PPP6R3: variants seen among roughly 807,000 people sequenced by gnomAD.
PPP6R3 encodes the protein protein phosphatase 6 regulatory subunit 3.
In PPP6R3, 38 loss-of-function variants were observed where a neutral mutation model predicts 110.7. The ratio of observed to expected loss-of-function variants is 0.34; its 90% CI spans 0.26 to 0.45. PPP6R3 has a LOEUF of 0.45. Among genes scored for constraint, PPP6R3 ranks in the 20% least tolerant of loss-of-function variants. The pLI is 1.00. For synonymous variants in PPP6R3, 369 were observed against 373.5 expected (o/e 0.99, Z 0.14); for missense variants, 870 against 1,062.4 (o/e 0.82, Z 2.52).
At chr11:68,486,463 G>A (rs186477547) in intron 1 of PPP6R3, among the ~76,000 whole-genome samples, 1 of 152,120 alleles carries the variant, frequency 6.6e-6, no homozygotes, top group Non-Finnish European at 1.5e-5. Context: ...AAATTAGCTG[G>A]GTGTGGTGGC....
rs2099159950 is a variant in PPP6R3, at chr11:68,520,711, T to C, written c.-7+1060T>C. On this transcript the variant is annotated intron_variant, in intron 2 of 23. Transcript: ENST00000393800. ...AATATTCTTCCGGATGAATCCCATG[T>C]GGAGAATTCTCTGCAAGTATTCATT... Among the ~76,000 whole-genome samples the C allele has an allele frequency of 2.0e-5, 3 of 152,240 alleles. No homozygotes were observed. The South Asian group carries it at 6.2e-4, about 32-fold the overall frequency.
At chr11:68,488,709 G>A (rs1181543755) in intron 1 of PPP6R3, 2 of 152,144 alleles carry the variant, frequency 1.3e-5, no homozygotes, top group African/African-American at 2.4e-5. Flanking sequence ...GTAGTTGTAG[G>A]GTGTGTCCTG....
intron 7 of PPP6R3, among the ~76,000 whole-genome samples, chr11:68,557,302 A>G (rs2099403164): frequency 6.6e-6 from 1 of 152,070 alleles, no homozygotes; most frequent in South Asian, 2.1e-4. Context: ...GACCTTCTCA[A>G]GTTAGGTTAG....
intron 13 of PPP6R3, among the ~76,000 whole-genome samples, chr11:68,574,658 G>A (rs1009907753): frequency 6.6e-6 from 1 of 152,180 alleles, no homozygotes; most frequent in Non-Finnish European, 1.5e-5. Flanking sequence ...GCATTTATCA[G>A]CATTTCTTTG....
chr11:68,555,908 A>T lies in PPP6R3; in HGVS notation c.731+1651A>T, dbSNP rs146507206. ...ACAGTCTGTTTGAGAATAAGAACCA[A>T]CCACTTCTAATATTTGACACACTGC... On this transcript the variant is annotated intron_variant, in intron 7 of 23. Transcript: ENST00000393800. Among the ~76,000 whole-genome samples the T allele has an allele frequency of 2.7e-3, 405 of 152,288 alleles. 4 individuals are homozygous for T. Among genetic ancestry groups the T allele is most frequent in the African/African-American group, 8.5e-3 (353 of 41,552 alleles).
At chr11:68,476,938 A>G (rs1338235793) in intron 1 of PPP6R3, among the ~76,000 whole-genome samples, 1 of 151,318 alleles carries the variant, frequency 6.6e-6, no homozygotes, top group Non-Finnish European at 1.5e-5. Flanking sequence ...AGGTGGCAGG[A>G]TTGCTTGAGC....
chr11:68,575,453 A>G (rs946066825), intron 13 of PPP6R3, among the ~76,000 whole-genome samples: 1 of 152,230 alleles, frequency 6.6e-6, no homozygotes, highest in African/African-American at 2.4e-5. Context: ...GAAAAGCCAT[A>G]CTAGGTTCTG....
At chr11:68,588,758 T>TA (rs367918194) in intron 16 of PPP6R3, among the ~76,000 whole-genome samples, 35,351 of 141,634 alleles carry the variant, frequency 0.25, 4,397 homozygotes, top group Middle Eastern at 0.33. Context: ...ACTCGGTCTT[T>TA]AAAAAAAAAA....
intron 12 of PPP6R3, among the ~76,000 whole-genome samples, chr11:68,573,149 TA>T (rs2099516424): frequency 1.1e-4 from 13 of 113,500 alleles, no homozygotes; most frequent in Non-Finnish European, 2.4e-4. Flanking sequence ...TATATATATA[TA>T]TATAATTTTT....
At chr11:68,563,475 C>T (rs1257259359) in intron 8 of PPP6R3, among the ~76,000 whole-genome samples, 1 of 152,086 alleles carries the variant, frequency 6.6e-6, no homozygotes. Flanking sequence ...ATCTCAAGAT[C>T]TTTAATTAAT....
At chr11:68,509,772 G>A (rs1308883370) in intron 1 of PPP6R3, among the ~76,000 whole-genome samples, 2 of 115,580 alleles carry the variant, frequency 1.7e-5, no homozygotes, top group East Asian at 2.5e-4. Flanking sequence ...TTTTTGAGAC[G>A]GAGCTTCGCT....
chr11:68,526,712 A>T (rs1462188709), intron 2 of PPP6R3, among the ~76,000 whole-genome samples: 1 of 152,120 alleles, frequency 6.6e-6, no homozygotes, highest in African/African-American at 2.4e-5. Flanking sequence ...CATCCTTATT[A>T]CTTGCCTTTC....
chr11:68,465,878 T>C (rs2098741790), intron 1 of PPP6R3, among the ~76,000 whole-genome samples: 1 of 152,268 alleles, frequency 6.6e-6, no homozygotes, highest in South Asian at 2.1e-4. Flanking sequence ...AGTTACACTT[T>C]GTTACTCATT....
intron 11 of PPP6R3, among the ~76,000 whole-genome samples, chr11:68,570,428 T>G (rs1260039482): frequency 6.6e-6 from 1 of 152,194 alleles, no homozygotes; most frequent in Non-Finnish European, 1.5e-5. Flanking sequence ...CACACTTGGT[T>G]TACTCGCAAA....
At chr11:68,490,517 A>AAT (rs1312195172) in intron 1 of PPP6R3, among the ~76,000 whole-genome samples, 1 of 151,624 alleles carries the variant, frequency 6.6e-6, no homozygotes, top group East Asian at 1.9e-4. Flanking sequence ...AATTTGGAAA[A>AAT]ATCTCCGTCG....
intron 18 of PPP6R3, among the ~76,000 whole-genome samples, chr11:68,593,906 G>A (rs952595303): frequency 3.3e-5 from 5 of 152,040 alleles, no homozygotes; most frequent in Admixed American, 6.6e-5. Flanking sequence ...GCTGTGAGGC[G>A]AAGCAGGAGG....
intron 1 of PPP6R3, among the ~76,000 whole-genome samples, chr11:68,461,363 G>C (rs2098705390): frequency 6.6e-6 from 1 of 152,032 alleles, no homozygotes; most frequent in South Asian, 2.1e-4. Flanking sequence ...TTAATTCGCC[G>C]CAGAGTCATC....
At chr11:68,548,901 CT>C (rs1555143879) in intron 5 of PPP6R3, among the ~76,000 whole-genome samples, 2 of 152,046 alleles carry the variant, frequency 1.3e-5, no homozygotes, top group Non-Finnish European at 2.9e-5. Flanking sequence ...CTCTTCCTTT[CT>C]TTTTTGAGTT....
intron 17 of PPP6R3, among the ~76,000 whole-genome samples, chr11:68,590,950 G>A (rs916940812): frequency 6.6e-6 from 1 of 152,120 alleles, no homozygotes; most frequent in African/African-American, 2.4e-5. Flanking sequence ...TGATTGCAGC[G>A]TAGACACTTG....
Sources: allele counts gnomAD v4.1 joint callset (sites outside exome capture counted in the v4.1 genomes callset), GRCh38; gene constraint gnomAD v4.1.1; transcripts MANE v1.5; gene names NCBI Gene and HGNC (gene_info 2026-07-23, HGNC 2026-07-21).